The following NAV2 variants were observed in gnomAD, a reference collection of about 807,000 sequenced individuals.
NAV2 encodes the protein neuron navigator 2, also known as helicase, APC down-regulated 1.
A neutral mutation model predicts 223.2 loss-of-function variants in NAV2; 54 were observed. The ratio of observed to expected loss-of-function variants is 0.24; its 90% CI spans 0.19 to 0.30. The LOEUF (loss-of-function observed/expected upper bound fraction) is 0.30. Ranked by LOEUF, NAV2 falls within the 10% of genes least tolerant of loss-of-function variation. The pLI, the probability that NAV2 is intolerant of heterozygous loss-of-function variation, is 1.00. For synonymous variants in NAV2, 1,279 were observed against 1,239.3 expected, an observed-to-expected ratio of 1.03 and a Z score of -0.67; for missense variants, 2,806 against 3,147.5, an observed-to-expected ratio of 0.89 and a Z score of 2.60.
chr11:20,042,274 C>T (rs1192287479), intron 12 of NAV2, among the ~76,000 whole-genome samples: 6 of 152,154 alleles, frequency 3.9e-5, no homozygotes, highest in African/African-American at 1.2e-4. Flanking sequence ...AGGCTGAGAT[C>T]GGATAAGATA....
chr11:20,090,254 C>T lies in NAV2; in HGVS notation c.5499-611C>T, dbSNP rs138354441. Among the ~76,000 whole-genome samples the T allele has an allele frequency of 3.8e-3, 576 of 152,258 alleles. 2 individuals are homozygous for T. Among genetic ancestry groups the T allele is most frequent in the African/African-American group, 0.013 (545 of 41,546 alleles). On this transcript the variant is annotated intron_variant, in intron 26 of 37. Coordinates refer to ENST00000349880, the MANE Select transcript of NAV2 (RefSeq NM_145117.5). ...GTAAGCTGACCCTGCTTCTCTGAGTCGGTTTGGAACTCAAGGGCGTGTGGT... is the reference window on the plus strand; with the variant it reads ...GTAAGCTGACCCTGCTTCTCTGAGTTGGTTTGGAACTCAAGGGCGTGTGGT...
At chr11:19,559,101 A>G (rs1298949882) in intron 1 of NAV2, among the ~76,000 whole-genome samples, 2 of 152,238 alleles carry the variant, frequency 1.3e-5, no homozygotes, top group African/African-American at 2.4e-5. Flanking sequence ...AGTGACTTGC[A>G]CATGCAAGAA....
chr11:19,601,620 G>C (rs1425871407), intron 1 of NAV2, among the ~76,000 whole-genome samples: 1 of 152,156 alleles, frequency 6.6e-6, no homozygotes, highest in East Asian at 1.9e-4. Context: ...CTTGGTTGAA[G>C]AGCTCAGTTT....
intron 11 of NAV2, among the ~76,000 whole-genome samples, chr11:20,027,925 C>A (rs1388039853): frequency 1.3e-5 from 2 of 152,194 alleles, no homozygotes; most frequent in Non-Finnish European, 2.9e-5. Context: ...ATCCCTGGAA[C>A]CTTGGGATTC....
At chr11:19,653,960 T>G (rs753295933) in intron 1 of NAV2, among the ~76,000 whole-genome samples, 8 of 152,184 alleles carry the variant, frequency 5.3e-5, no homozygotes, top group Non-Finnish European at 4.4e-5. Context: ...TGTCCCTGTT[T>G]GCAGATGACA....
chr11:20,107,639 A>G (rs1449209634), intron 35 of NAV2, 25 bp from the exon 36 acceptor site: 1 of 1,561,432 alleles, frequency 6.4e-7, no homozygotes, highest in Admixed American at 1.7e-5. Flanking sequence ...TTTGAGTGCT[A>G]ATGTATTTTC....
At chr11:19,791,763 G>A (rs980508089) in intron 1 of NAV2, among the ~76,000 whole-genome samples, 1 of 152,304 alleles carries the variant, frequency 6.6e-6, no homozygotes, top group East Asian at 1.9e-4. Flanking sequence ...AAGGCAGCAA[G>A]GTGTGGGGAA....
chr11:19,555,355 T>G (rs112420405), intron 1 of NAV2, among the ~76,000 whole-genome samples: 5,336 of 152,242 alleles, frequency 0.035, 332 homozygotes, highest in African/African-American at 0.12. Flanking sequence ...TCAGGCAAGG[T>G]CTATCACCTT....
upstream of NAV2, among the ~76,000 whole-genome samples, chr11:19,349,366 C>T (rs781208792): frequency 9.9e-5 from 15 of 152,258 alleles, no homozygotes; most frequent in African/African-American, 2.4e-4. Flanking sequence ...CCTCTGTGGC[C>T]GAGTCTCATG....
At chr11:19,378,690 T>TA (rs910353950) in intron 1 of NAV2, among the ~76,000 whole-genome samples, 9 of 152,168 alleles carry the variant, frequency 5.9e-5, no homozygotes, top group Admixed American at 4.6e-4. Context: ...GCCAGTGCTC[T>TA]AGGTGTCAAG....
chr11:19,868,087 G>A (rs910319442), intron 3 of NAV2, among the ~76,000 whole-genome samples: 2 of 152,166 alleles, frequency 1.3e-5, no homozygotes, highest in African/African-American at 4.8e-5. Context: ...AGTAATGAGG[G>A]GTGGGGTGAT....
chr11:19,676,831 A>G (rs1186898305), intron 1 of NAV2, among the ~76,000 whole-genome samples: 3 of 152,238 alleles, frequency 2.0e-5, no homozygotes, highest in African/African-American at 7.2e-5. Context: ...GGGTCAGGCC[A>G]GAGCAGCTGG....
At position 20,121,456 on chromosome 11, in the gene NAV2, C is replaced by G. The variant is rs941672942; in HGVS notation, c.*3198C>G. 6.6e-6 allele frequency: 1 copy of G among 152,494 alleles called. No homozygotes were observed. The highest frequency in any genetic ancestry group is 2.4e-5 in the African/African-American group (1 of 41,390). 9.4% of individuals were successfully genotyped at this position (152,494 alleles called of 1,614,324 possible). A position where few individuals can be genotyped will look rare whatever the true frequency, so the allele number is the denominator to read the frequency against. ...TCCCCTCCTCTCTCTCTCTTCCTAC[C>G]TATTTAATTTTCATTTGTCATGAGG... On this transcript the variant is annotated 3_prime_UTR_variant, in exon 38 of 38. Coordinates refer to ENST00000349880, the MANE Select transcript of NAV2 (RefSeq NM_145117.5).
chr11:20,005,253 A>ATAT lies in NAV2; in HGVS notation c.2768+21007_2768+21008insATT, dbSNP rs1277010848. ...GAGTTTTAATCATATATATATATAT[A>ATAT]TTTTTTTTTTTTTTTGAGATGGAGT... On this transcript the variant is annotated intron_variant, in intron 11 of 37. Coordinates refer to ENST00000349880, the MANE Select transcript of NAV2 (RefSeq NM_145117.5). Among the ~76,000 whole-genome samples the ATAT allele has an allele frequency of 1.4e-3, 193 of 134,540 alleles. 1 individual carries two copies. The highest frequency in any genetic ancestry group is 5.1e-3 in the African/African-American group (183 of 35,760). 88.3% of individuals were successfully genotyped at this position (134,540 alleles called of 152,430 possible).
At chr11:19,821,648 A>G (rs1340164106) in intron 1 of NAV2, among the ~76,000 whole-genome samples, 9 of 152,128 alleles carry the variant, frequency 5.9e-5, no homozygotes, top group African/African-American at 1.9e-4. Flanking sequence ...CTCATGTTAT[A>G]TTGGCATTTT....
intron 1 of NAV2, among the ~76,000 whole-genome samples, chr11:19,554,815 A>G (rs970053123): frequency 4.6e-5 from 7 of 151,972 alleles, no homozygotes; most frequent in African/African-American, 1.7e-4. Context: ...AAAAATACAA[A>G]ATTAGCCAGG....
Position 20,096,834 on chromosome 11 carries a change from G to A in NAV2, c.6013-743G>A, listed in dbSNP as rs548499389. On this transcript the variant is annotated intron_variant, in intron 30 of 37. Transcript: ENST00000349880. The stretch of plus-strand genomic sequence containing the variant: ...GACATATGAATGGCTTAGATGGACC[G>A]ATTCTCCGACCTAGGCCAAAAACTT... Among the ~76,000 whole-genome samples, 25 of 152,306 alleles carry A rather than the reference G, an allele frequency of 1.6e-4. No homozygotes were observed. The South Asian group carries it at 3.5e-3, about 21-fold the overall frequency.
At position 19,998,708 on chromosome 11, in the gene NAV2, C is replaced by A. The variant is rs940112691; in HGVS notation, c.2768+14461C>A. ...CCCCTCTGCATAGACTGTGCTTCCC[C>A]CCCTCTCTCCTTTTCTCCTTATAAG... is the stretch of plus-strand genomic sequence containing the variant. On this transcript the variant is annotated intron_variant, in intron 11 of 37. Coordinates refer to ENST00000349880, the MANE Select transcript of NAV2 (RefSeq NM_145117.5). This position sits in a 1 kb window ranked among gnomAD's most constrained non-coding sequence, Gnocchi z 5.0. Among the ~76,000 whole-genome samples, 1 of 152,170 alleles carries A rather than the reference C, an allele frequency of 6.6e-6. No individual in the cohort carries two copies. The highest frequency in any genetic ancestry group is 1.9e-4 in the East Asian group (1 of 5,162).
chr11:19,670,304 A>G (rs546596770), intron 1 of NAV2, among the ~76,000 whole-genome samples: 1 of 152,086 alleles, frequency 6.6e-6, no homozygotes, highest in South Asian at 2.1e-4. Context: ...CCTAACTCTG[A>G]TCTCCCCGGG....
Sources: allele counts gnomAD v4.1 joint callset (sites outside exome capture counted in the v4.1 genomes callset), GRCh38; gene constraint gnomAD v4.1.1; non-coding constraint Gnocchi (gnomAD v3.1); transcripts MANE v1.5; gene names NCBI Gene and HGNC (gene_info 2026-07-23, HGNC 2026-07-21).